The following PRKN variants were observed in gnomAD, a reference collection of about 807,000 sequenced individuals.
PRKN encodes the protein E3 ubiquitin-protein ligase parkin.
Under a neutral mutation model 59.5 loss-of-function variants are expected in PRKN, and 56 were observed. The ratio of observed to expected loss-of-function variants is 0.94; its 90% CI spans 0.76 to 1.18. The LOEUF is 1.18. Ranked by LOEUF, PRKN falls within the 50% of genes most tolerant of loss-of-function variation. PRKN has a pLI of 0.00. For synonymous variants in PRKN, 250 were observed against 222.1 expected (o/e 1.13, Z -1.12); for missense variants, 657 against 596.4 (o/e 1.10, Z -1.06).
At chr6:162,273,935 A>G (rs1445067898) in intron 2 of PRKN, among the ~76,000 whole-genome samples, 1 of 152,148 alleles carries the variant, frequency 6.6e-6, no homozygotes, top group African/African-American at 2.4e-5. Flanking sequence ...TTATTTACTC[A>G]ACAAAAATGA....
rs1163936901 is a variant in PRKN, at chr6:161,446,513, C to CA, written c.1084-59637dup. 6.6e-6 allele frequency among the ~76,000 whole-genome samples: 1 copy of CA among 152,130 alleles called. No individual in the cohort carries two copies. The highest frequency in any genetic ancestry group is 1.9e-4 in the East Asian group (1 of 5,184). ...AGCCAGATCTGACTTTGTGTAGAAG[C>CA]ATAAAAGGAGTAGGATGTTTGTGAT... is the stretch of plus-strand genomic sequence containing the variant. On this transcript the variant is annotated intron_variant, in intron 9 of 11. Transcript: ENST00000366898. The surrounding 1 kb of genome is among the most constrained non-coding windows in gnomAD (Gnocchi z 6.2).
chr6:161,472,811 C>A (rs561207469), intron 9 of PRKN, among the ~76,000 whole-genome samples: 1 of 152,086 alleles, frequency 6.6e-6, no homozygotes, highest in Non-Finnish European at 1.5e-5. Context: ...AGCAAAAAAC[C>A]CCAAATAACC....
At position 161,498,660 on chromosome 6, in the gene PRKN, C is replaced by A. The variant is rs1399045311; in HGVS notation, c.1083+50194G>T. Reference sequence around the variant, plus strand: ...CTGAAGGAAGGGCTCCACCTGCCGACCCTGATGGAGAACGAGGTCACATCA... The same window carrying A: ...CTGAAGGAAGGGCTCCACCTGCCGAACCTGATGGAGAACGAGGTCACATCA... On this transcript the variant is annotated intron_variant, in intron 9 of 11. Coordinates refer to ENST00000366898, the MANE Select transcript of PRKN (RefSeq NM_004562.3). This position sits in a 1 kb window ranked among gnomAD's most constrained non-coding sequence, Gnocchi z 4.2. Among the ~76,000 whole-genome samples the A allele has an allele frequency of 6.6e-6, 1 of 152,190 alleles. No homozygotes were observed. The highest frequency in any genetic ancestry group is 6.5e-5 in the Admixed American group (1 of 15,284).
chr6:161,644,607 T>C (rs903035867), intron 7 of PRKN, among the ~76,000 whole-genome samples: 1 of 152,220 alleles, frequency 6.6e-6, no homozygotes, highest in African/African-American at 2.4e-5. Context: ...GGCACTGCCA[T>C]TCAGATCTCT....
At chr6:162,185,679 G>C (rs1205036290) in intron 4 of PRKN, among the ~76,000 whole-genome samples, 1 of 152,126 alleles carries the variant, frequency 6.6e-6, no homozygotes, top group Non-Finnish European at 1.5e-5. Flanking sequence ...CTGATACCAT[G>C]AGATGGAATT....
chr6:162,022,008 C>T lies in PRKN; in HGVS notation c.618+32083G>A, dbSNP rs533636387. On this transcript the variant is annotated intron_variant, in intron 5 of 11. Coordinates refer to ENST00000366898, the MANE Select transcript of PRKN (RefSeq NM_004562.3). ...TTATGGCCTGTAACTGCATCCACGT[C>T]GCTGCAAAGGACAGGATTTTGATCT... 2.3e-4 allele frequency among the ~76,000 whole-genome samples: 35 copies of T among 152,106 alleles called. 1 individual carries two copies. The South Asian group carries it at 3.1e-3, about 14-fold the overall frequency.
At chr6:162,092,744 C>T (rs1480124498) in intron 4 of PRKN, among the ~76,000 whole-genome samples, 1 of 152,150 alleles carries the variant, frequency 6.6e-6, no homozygotes, top group East Asian at 1.9e-4. Context: ...ACAAAGCTAC[C>T]TCATAGATTC....
intron 1 of PRKN, among the ~76,000 whole-genome samples, chr6:162,588,625 C>T (rs1396649568): frequency 1.3e-5 from 2 of 152,084 alleles, no homozygotes; most frequent in Non-Finnish European, 2.9e-5. Context: ...CATCTCGGCT[C>T]ACTGCAACCT....
rs145948340 is a variant in PRKN at position 162,337,618 on chromosome 6, G to A, written c.172-74853C>T. ...ACATGGAAAATATGCAGCATTTCCC[G>A]TGGAGCCTCTCAGTCTCGCTGGCAG... On this transcript the variant is annotated intron_variant, in intron 2 of 11. Transcript: ENST00000366898. 2.4e-4 allele frequency among the ~76,000 whole-genome samples: 36 copies of A among 152,294 alleles called. 1 individual carries two copies. Among genetic ancestry groups the A allele is most frequent in the Admixed American group, 1.0e-3 (16 of 15,292 alleles).
In PRKN at chr6:161,525,674, C is replaced by A. The variant is rs1040071635; in HGVS notation, c.1083+23180G>T. Among the ~76,000 whole-genome samples the A allele has an allele frequency of 3.9e-5, 6 of 152,108 alleles. No individual in the cohort carries two copies. The highest frequency in any genetic ancestry group is 7.4e-5 in the Non-Finnish European group (5 of 68,026). On this transcript the variant is annotated intron_variant, in intron 9 of 11. Coordinates refer to ENST00000366898, the MANE Select transcript of PRKN (RefSeq NM_004562.3). This position sits in a 1 kb window ranked among gnomAD's most constrained non-coding sequence, Gnocchi z 4.7. Reference sequence around the variant, plus strand: ...AAGAGAACCTACCTGCACTTAGTATCCCTGTACTTGGGATCTTTGAAGGCT... The same window carrying A: ...AAGAGAACCTACCTGCACTTAGTATACCTGTACTTGGGATCTTTGAAGGCT...
At chr6:162,646,270 G>GTTT (rs5881488) in intron 1 of PRKN, among the ~76,000 whole-genome samples, 6 of 149,640 alleles carry the variant, frequency 4.0e-5, no homozygotes, top group Non-Finnish European at 8.9e-5. Context: ...AAAATACAAA[G>GTTT]TTTTTTTTTT....
At chr6:162,589,619 T>C (rs756270922) in intron 1 of PRKN, among the ~76,000 whole-genome samples, 1 of 152,206 alleles carries the variant, frequency 6.6e-6, no homozygotes, top group Non-Finnish European at 1.5e-5. Flanking sequence ...CATCTTTTCA[T>C]GGTGTAACCG....
intron 9 of PRKN, among the ~76,000 whole-genome samples, chr6:161,505,933 G>T (rs1009238510): frequency 3.3e-5 from 5 of 151,530 alleles, no homozygotes; most frequent in Admixed American, 6.6e-5. Flanking sequence ...CTGTAGCCTT[G>T]TAGTATAGTT....
chr6:162,508,950 G>A (rs1448393859), intron 1 of PRKN, among the ~76,000 whole-genome samples: 1 of 152,126 alleles, frequency 6.6e-6, no homozygotes, highest in Non-Finnish European at 1.5e-5. Context: ...AGAGATATTT[G>A]CTATTCAAGT....
intron 7 of PRKN, among the ~76,000 whole-genome samples, chr6:161,743,791 T>G (rs1788299277): frequency 6.6e-6 from 1 of 152,184 alleles, no homozygotes; most frequent in South Asian, 2.1e-4. Context: ...ACAGTATCAT[T>G]CTATATTGTA....
At chr6:161,989,631 A>G (rs1415598607) in intron 5 of PRKN, among the ~76,000 whole-genome samples, 1 of 151,570 alleles carries the variant, frequency 6.6e-6, no homozygotes, top group Non-Finnish European at 1.5e-5. Flanking sequence ...CACACACACT[A>G]TTGGGGACCT....
intron 4 of PRKN, among the ~76,000 whole-genome samples, chr6:162,116,073 G>T (rs866217330): frequency 1.3e-5 from 2 of 152,146 alleles, no homozygotes; most frequent in Non-Finnish European, 2.9e-5. Context: ...CTTATTTGCA[G>T]ATCAAATTTA....
At chr6:161,408,728 C>A (rs982097403) in intron 9 of PRKN, among the ~76,000 whole-genome samples, 11 of 151,736 alleles carry the variant, frequency 7.2e-5, no homozygotes, top group Non-Finnish European at 1.6e-4. Context: ...TATGTTTTGT[C>A]CCCATACAAT....
chr6:162,005,204 G>T (rs896030870), intron 5 of PRKN, among the ~76,000 whole-genome samples: 3 of 152,178 alleles, frequency 2.0e-5, no homozygotes, highest in African/African-American at 7.2e-5. Flanking sequence ...GCTTCTTCCA[G>T]GATAAAGTCT....
Sources: allele counts gnomAD v4.1 joint callset (sites outside exome capture counted in the v4.1 genomes callset), GRCh38; gene constraint gnomAD v4.1.1; non-coding constraint Gnocchi (gnomAD v3.1); transcripts MANE v1.5; gene names NCBI Gene and HGNC (gene_info 2026-07-23, HGNC 2026-07-21).